The following ESRRG variants were observed in gnomAD, a reference collection of about 807,000 sequenced individuals.
ESRRG encodes the protein estrogen related receptor gamma.
A neutral mutation model predicts 44.0 loss-of-function variants in ESRRG; 13 were observed. The ratio of observed to expected loss-of-function variants is 0.30; its 90% CI spans 0.19 to 0.47. ESRRG has a LOEUF of 0.47. Ranked by LOEUF, ESRRG falls within the 20% of genes least tolerant of loss-of-function variation. ESRRG has a pLI of 1.00. For missense variants in ESRRG, 395 were observed against 580.6 expected (o/e 0.68, Z 3.29); for synonymous variants, 215 against 214.6 (o/e 1.00, Z -0.02).
At chr1:216,977,331 G>T in intron 1 of ESRRG, among the ~76,000 whole-genome samples, 1 of 88,404 alleles carries the variant, frequency 1.1e-5, no homozygotes, top group Non-Finnish European at 2.1e-5. Context: ...AAGTTTCCAA[G>T]GAGGATACAT....
At chr1:216,723,187 GC>G in intron 1 of ESRRG, 56 bp downstream of exon 1, 1 of 1,412,862 alleles carries the variant, frequency 7.1e-7, no homozygotes, top group East Asian at 2.3e-5. Context: ...TAGTCTGTCC[GC>G]CCCCACCCCC....
intron 1 of ESRRG, among the ~76,000 whole-genome samples, chr1:217,012,550 G>A (rs991493464): frequency 4.3e-4 from 65 of 152,248 alleles, no homozygotes; most frequent in African/African-American, 1.5e-3. Flanking sequence ...CACTGACACT[G>A]GCAATTTAGA....
At chr1:216,842,504 T>G (rs1001315749) in intron 2 of ESRRG, among the ~76,000 whole-genome samples, 5 of 152,172 alleles carry the variant, frequency 3.3e-5, no homozygotes, top group Non-Finnish European at 5.9e-5. Flanking sequence ...CTTCAGAGCA[T>G]CAGCAGACAA....
At chr1:216,642,399 A>C (rs1183170946) in intron 3 of ESRRG, among the ~76,000 whole-genome samples, 3 of 152,096 alleles carry the variant, frequency 2.0e-5, no homozygotes, top group Non-Finnish European at 4.4e-5. Flanking sequence ...TCATATCAAC[A>C]AAACGTGAAA....
chr1:217,006,170 T>A (rs1030996674), intron 1 of ESRRG, among the ~76,000 whole-genome samples: 1 of 152,094 alleles, frequency 6.6e-6, no homozygotes, highest in Non-Finnish European at 1.5e-5. Context: ...AAAATAAACA[T>A]ACACTCAATG....
chr1:216,924,912 C>T (rs2062326833), intron 2 of ESRRG, among the ~76,000 whole-genome samples: 1 of 152,134 alleles, frequency 6.6e-6, no homozygotes, highest in Non-Finnish European at 1.5e-5. Flanking sequence ...AGTATATGGT[C>T]TTTCTGATGC....
chr1:216,896,820 T>A (rs552330723), intron 2 of ESRRG, among the ~76,000 whole-genome samples: 1 of 152,296 alleles, frequency 6.6e-6, no homozygotes, highest in African/African-American at 2.4e-5. Flanking sequence ...ATCTTTCTCT[T>A]GGCACCTCTC....
At chr1:216,953,051 C>T (rs2067247743) in intron 1 of ESRRG, among the ~76,000 whole-genome samples, 1 of 152,124 alleles carries the variant, frequency 6.6e-6, no homozygotes, top group Non-Finnish European at 1.5e-5. Context: ...CCATTTCTCC[C>T]CCACATAAAT....
chr1:217,038,781 A>C (rs2083349344), intron 1 of ESRRG, among the ~76,000 whole-genome samples: 1 of 152,170 alleles, frequency 6.6e-6, no homozygotes, highest in Admixed American at 6.5e-5. Flanking sequence ...CTTGTTACTT[A>C]TGCAAATTTC....
At chr1:216,581,694 G>A (rs1028034968) in intron 3 of ESRRG, among the ~76,000 whole-genome samples, 2 of 152,080 alleles carry the variant, frequency 1.3e-5, no homozygotes, top group Non-Finnish European at 2.9e-5. Flanking sequence ...GAACCCAAGA[G>A]CATTTACCCC....
intron 2 of ESRRG, among the ~76,000 whole-genome samples, chr1:216,833,667 C>G (rs2095520371): frequency 6.6e-6 from 1 of 152,186 alleles, no homozygotes; most frequent in Non-Finnish European, 1.5e-5. Context: ...GAAAGATCAT[C>G]TGTCTAAATC....
In ESRRG at chr1:216,951,923, C is replaced by T. The variant is rs919833826; in HGVS notation, c.-105-12250G>A. Among the ~76,000 whole-genome samples the T allele has an allele frequency of 3.3e-5, 5 of 151,532 alleles. No homozygotes were observed. In the Admixed American group the frequency reaches 3.3e-4, roughly 10 times the overall value. On this transcript the variant is annotated intron_variant, in intron 1 of 7. Transcript: ENST00000359162. ...TATATATAATATATACATAAAGGTTCTGCACTTCTATTTCCTACTCTTTCT... is the reference window on the plus strand; with the variant it reads ...TATATATAATATATACATAAAGGTTTTGCACTTCTATTTCCTACTCTTTCT...
At chr1:216,752,401 T>C (rs1576155020) in intron 2 of ESRRG, among the ~76,000 whole-genome samples, 1 of 152,030 alleles carries the variant, frequency 6.6e-6, no homozygotes, top group Non-Finnish European at 1.5e-5. Context: ...CAACAATTCA[T>C]CTCAGCTGCC....
chr1:216,518,672 T>A (rs986305240), intron 6 of ESRRG, among the ~76,000 whole-genome samples: 1 of 152,212 alleles, frequency 6.6e-6, no homozygotes. Flanking sequence ...TAGGCAGAAT[T>A]TGACTTCTAA....
intron 1 of ESRRG, among the ~76,000 whole-genome samples, chr1:216,713,535 G>A (rs1481439390): frequency 6.6e-6 from 1 of 152,216 alleles, no homozygotes; most frequent in East Asian, 1.9e-4. Context: ...TTGACATAGG[G>A]CATAACTGCA....
At chr1:216,529,501 A>C (rs2149087684) in intron 5 of ESRRG, among the ~76,000 whole-genome samples, 1 of 152,310 alleles carries the variant, frequency 6.6e-6, no homozygotes, top group South Asian at 2.1e-4. Context: ...ATATGTTATT[A>C]CTAGAAAATG....
chr1:217,103,141 A>AT (rs200940093), intron 1 of ESRRG, among the ~76,000 whole-genome samples: 3,412 of 152,272 alleles, frequency 0.022, 130 homozygotes, highest in African/African-American at 0.078. Flanking sequence ...TAGAAAGCAC[A>AT]GAGTTTTTAC....
chr1:217,110,258 A>G (rs1335573870), intron 1 of ESRRG, among the ~76,000 whole-genome samples: 8 of 152,302 alleles, frequency 5.3e-5, no homozygotes, highest in Admixed American at 5.2e-4. Context: ...GAGTGATATG[A>G]AACCATTATA....
chr1:217,061,448 G>T (rs536948799), intron 1 of ESRRG, among the ~76,000 whole-genome samples: 3 of 152,160 alleles, frequency 2.0e-5, no homozygotes, highest in African/African-American at 4.8e-5. Flanking sequence ...CTGCTTTCAC[G>T]CTTCCAATTC....
Sources: allele counts gnomAD v4.1 joint callset (sites outside exome capture counted in the v4.1 genomes callset), GRCh38; gene constraint gnomAD v4.1.1; transcripts MANE v1.5; gene names NCBI Gene and HGNC (gene_info 2026-07-23, HGNC 2026-07-21).